The following R3HDM1 variants were observed in gnomAD, a reference collection of about 807,000 sequenced individuals.
R3HDM1 encodes R3H domain-containing protein 1.
A neutral mutation model predicts 141.1 loss-of-function variants in R3HDM1; 46 were observed. That is an observed-to-expected ratio of 0.33 (90% CI 0.26 to 0.42). R3HDM1 has a LOEUF of 0.42. R3HDM1 is among the 10% of genes least tolerant of loss of function. The pLI, the probability that R3HDM1 is intolerant of heterozygous loss-of-function variation, is 1.00. For missense variants in R3HDM1, 1,184 were observed against 1,368.3 expected (o/e 0.87, Z 2.12); for synonymous variants, 435 against 472.9 (o/e 0.92, Z 1.04).
intron 1 of R3HDM1, among the ~76,000 whole-genome samples, chr2:135,574,345 T>A (rs944101189): frequency 1.3e-5 from 2 of 152,190 alleles, no homozygotes; most frequent in African/African-American, 2.4e-5. Context: ...ATAAAAGAAA[T>A]AATTCTTCTA....
chr2:135,639,988 G>A lies in R3HDM1; in HGVS notation c.1219+866G>A, dbSNP rs2063623867. ...ATAGCACGTGTCTGTAGTCCCAGCT[G>A]TTTGGGAGGCTGAGGCAGGAGAATC... On this transcript the variant is annotated intron_variant, in intron 14 of 26. Transcript: ENST00000683871. Among the ~76,000 whole-genome samples, 4 of 151,808 alleles carry A rather than the reference G, an allele frequency of 2.6e-5. No homozygotes were observed. The South Asian group carries it at 8.3e-4, about 32-fold the overall frequency.
chr2:135,695,892 GAA>G (rs987456647), intron 21 of R3HDM1, among the ~76,000 whole-genome samples: 45 of 152,230 alleles, frequency 3.0e-4, no homozygotes, highest in African/African-American at 1.1e-3. Context: ...GTACACAAAA[GAA>G]TACAAATAAA....
At chr2:135,680,663 G>A (rs1243547707) in intron 21 of R3HDM1, among the ~76,000 whole-genome samples, 1 of 152,104 alleles carries the variant, frequency 6.6e-6, no homozygotes, top group Non-Finnish European at 1.5e-5. Flanking sequence ...GCAACTGCTC[G>A]GGAGGCTGAG....
At chr2:135,568,786 G>A (rs912362056) in intron 1 of R3HDM1, 1 of 152,174 alleles carries the variant, frequency 6.6e-6, no homozygotes, top group African/African-American at 2.4e-5. Flanking sequence ...CGGAAGAAAG[G>A]GATAAGGAGT....
intron 21 of R3HDM1, among the ~76,000 whole-genome samples, chr2:135,689,745 C>T (rs1008597967): frequency 6.6e-6 from 1 of 152,172 alleles, no homozygotes; most frequent in East Asian, 1.9e-4. Context: ...TCACTTTAAG[C>T]GAGCAAAGTA....
At chr2:135,601,313 CATT>C (rs1049640137) in intron 1 of R3HDM1, among the ~76,000 whole-genome samples, 17 of 152,114 alleles carry the variant, frequency 1.1e-4, no homozygotes, top group African/African-American at 3.6e-4. Context: ...TTGTGTCAAA[CATT>C]GTGAAATCAA....
chr2:135,625,774 A>G (rs1042369748), intron 7 of R3HDM1, among the ~76,000 whole-genome samples: 4 of 152,098 alleles, frequency 2.6e-5, no homozygotes, highest in African/African-American at 9.7e-5. Context: ...TAAAAACCCA[A>G]AAGGACAGAT....
At chr2:135,623,303 G>T (rs2061678077) in intron 7 of R3HDM1, among the ~76,000 whole-genome samples, 1 of 152,110 alleles carries the variant, frequency 6.6e-6, no homozygotes, top group Non-Finnish European at 1.5e-5. Context: ...CAAATTATCT[G>T]ACCAACACTT....
chr2:135,654,598 G>T (rs766053350), intron 18 of R3HDM1, among the ~76,000 whole-genome samples: 8 of 152,018 alleles, frequency 5.3e-5, no homozygotes, highest in Admixed American at 5.2e-4. Flanking sequence ...ACAGGCGTGA[G>T]CCACCATGCC....
At chr2:135,579,665 G>A (rs769645887) in intron 1 of R3HDM1, among the ~76,000 whole-genome samples, 4 of 151,144 alleles carry the variant, frequency 2.6e-5, no homozygotes, top group African/African-American at 7.4e-5. Context: ...TCTGAGACAC[G>A]CCAGCGTCAT....
chr2:135,651,387 A>G, intron 17 of R3HDM1: 1 of 983,612 alleles, frequency 1.0e-6, no homozygotes, highest in Non-Finnish European at 1.2e-6. Context: ...TTAATTGTAT[A>G]ATATGAACTT....
Position 135,545,407 on chromosome 2 carries a change from G to A in R3HDM1, c.-250+13774G>A, listed in dbSNP as rs75274703. Among the ~76,000 whole-genome samples, 34 of 152,270 alleles carry A rather than the reference G, an allele frequency of 2.2e-4. No individual in the cohort carries two copies. The East Asian group carries it at 5.0e-3, about 22-fold the overall frequency. ...AGGTTAGAACATGATGGAATGGAGC[G>A]TAGGGCCTGTTTTACACAAGGTAGT... On this transcript the variant is annotated intron_variant, in intron 1 of 26. Coordinates refer to ENST00000683871, the MANE Select transcript of R3HDM1 (RefSeq NM_001378107.1).
intron 1 of R3HDM1, chr2:135,559,099 G>A (rs1024333758): frequency 4.7e-5 from 37 of 785,054 alleles, no homozygotes; most frequent in Middle Eastern, 7.0e-4. Context: ...GTGTGCATGC[G>A]TGTGTGTGTG....
chr2:135,683,570 A>AAAAC lies in R3HDM1; in HGVS notation c.2459+3248_2459+3249insACAA, dbSNP rs1553620829. ...ACCTATCTCAAAAAAAAAAAAAAAA[A>AAAAC]AATTCATTAAAGATCTCTTTGGGTG... On this transcript the variant is annotated intron_variant, in intron 21 of 26. Coordinates refer to ENST00000683871, the MANE Select transcript of R3HDM1 (RefSeq NM_001378107.1). 5.1e-4 allele frequency among the ~76,000 whole-genome samples: 72 copies of AAAAC among 141,814 alleles called. 3 individuals are homozygous for AAAAC. The highest frequency in any genetic ancestry group is 1.1e-3 in the African/African-American group (39 of 36,636). The allele number at this position is 141,814 out of a possible 152,430, so 93.0% of individuals were successfully genotyped here.
At chr2:135,701,907 T>C (rs1197939486) in intron 21 of R3HDM1, among the ~76,000 whole-genome samples, 6 of 152,208 alleles carry the variant, frequency 3.9e-5, no homozygotes, top group African/African-American at 1.4e-4. Flanking sequence ...TGCTTATTTA[T>C]CTTGTTTTTA....
At chr2:135,670,748 A>G in intron 19 of R3HDM1, among the ~76,000 whole-genome samples, 1 of 152,152 alleles carries the variant, frequency 6.6e-6, no homozygotes. Flanking sequence ...TATAAAAGAT[A>G]TTAAGTCTAC....
intron 7 of R3HDM1, among the ~76,000 whole-genome samples, chr2:135,631,103 C>T (rs1301453035): frequency 7.9e-5 from 12 of 151,900 alleles, no homozygotes; most frequent in Non-Finnish European, 1.2e-4. Context: ...TCTAAATTAG[C>T]GATATAATTA....
At position 135,604,917 on chromosome 2, in the gene R3HDM1, A is replaced by C. The variant is rs772164923; in HGVS notation, c.72A>C (p.Lys24Asn). 6.2e-7 allele frequency: 1 copy of C among 1,611,740 alleles called. No homozygotes were observed. Among genetic ancestry groups the C allele is most frequent in the Non-Finnish European group, 8.5e-7 (1 of 1,178,074 alleles). ...TGAAGGATTTGGAGGCAGAAGTGAA[A>C]GATACAACCAGAGTTGAAAATCTTA... is the stretch of plus-strand genomic sequence containing the variant. ...ATMKDLEAEV[K>N]DTTRVENLIK... The change falls in exon 3 of 27, where the codon AAA becomes AAC. Residue 24 changes from lysine to asparagine, a missense_variant. This residue lies in a region of R3HDM1 where 192 missense variants were observed against 215.7 expected (regional missense o/e 0.89). Transcript: ENST00000683871.
intron 24 of R3HDM1, 108 bp downstream of exon 24, chr2:135,715,802 G>A: frequency 1.5e-6 from 2 of 1,346,712 alleles, no homozygotes; most frequent in South Asian, 1.4e-5. Context: ...CCATAGAGCT[G>A]CATCTTCACC....
Sources: gnomAD v4.1 joint callset for allele counts (sites outside exome capture counted in the v4.1 genomes callset) on GRCh38, gnomAD v4.1.1 for gene constraint, gnomAD v4.1.1 regional missense constraint, MANE v1.5 for transcripts, NCBI Gene and HGNC (gene_info 2026-07-23, HGNC 2026-07-21) for gene names.